SLC23A1: variants seen among roughly 807,000 people sequenced by gnomAD.
The protein encoded by SLC23A1 is solute carrier family 23 member 1, also known as Na(+)/L-ascorbic acid transporter 1.
A neutral mutation model predicts 62.5 loss-of-function variants in SLC23A1; 31 were observed. That is an observed-to-expected ratio of 0.50 (90% CI 0.37 to 0.67). The LOEUF is 0.67. SLC23A1 is among the 30% of genes least tolerant of loss of function. SLC23A1 has a pLI of 0.00. For synonymous variants in SLC23A1, 271 were observed against 313.2 expected (o/e 0.87, Z 1.42); for missense variants, 640 against 782.7 (o/e 0.82, Z 2.18).
At position 139,367,631 on chromosome 5, in the gene SLC23A1, C is replaced by T. The variant is rs1038995898; in HGVS notation, c.*20G>A. The T allele has an allele frequency of 6.6e-5, 10 of 152,248 alleles. No individual in the cohort carries two copies. Among genetic ancestry groups the T allele is most frequent in the Non-Finnish European group, 4.4e-5 (3 of 68,022 alleles). 9.4% of individuals were successfully genotyped at this position (152,248 alleles called of 1,614,324 possible). A position where few individuals can be genotyped will look rare whatever the true frequency, so the allele number is the denominator to read the frequency against. ...TCTTTTCCTGTTATATACCATGCTTCCTGTGGGAATTAGAAGATGGCAATT... is the reference window on the plus strand; with the variant it reads ...TCTTTTCCTGTTATATACCATGCTTTCTGTGGGAATTAGAAGATGGCAATT... On this transcript the variant is annotated splice_region_variant and 3_prime_UTR_variant, in exon 15 of 15. Coordinates refer to ENST00000348729, the MANE Select transcript of SLC23A1 (RefSeq NM_005847.5).
chr5:139,384,461 G>A (rs1358662199), upstream of SLC23A1: 16 of 1,289,678 alleles, frequency 1.2e-5, no homozygotes, highest in South Asian at 2.5e-5. Flanking sequence ...GAGTCCGCCC[G>A]CCTGCCGGTG....
rs1219478980 is a variant in SLC23A1, at chr5:139,383,292, G to A, written c.-39C>T. The A allele has an allele frequency of 6.2e-7, 1 of 1,605,206 alleles. No individual in the cohort carries two copies. The highest frequency in any genetic ancestry group is 1.3e-5 in the African/African-American group (1 of 74,652). ...GTTTGAGCAGTTCCTGAGGAGAAGA[G>A]GGGATGACTTGACAAAGGCCAAGGA... On this transcript the variant is annotated 5_prime_UTR_variant, in exon 1 of 15. Transcript: ENST00000348729.
chr5:139,378,176 A>G lies in SLC23A1; in HGVS notation c.1309+46T>C, dbSNP rs1434705029. 3 of 1,613,102 alleles carry G rather than the reference A, an allele frequency of 1.9e-6. No individual in the cohort carries two copies. Among genetic ancestry groups the G allele is most frequent in the Non-Finnish European group, 2.5e-6 (3 of 1,179,566 alleles). On this transcript the variant is annotated intron_variant, in intron 11 of 14. Transcript: ENST00000348729. This position sits in a 1 kb window ranked among gnomAD's most constrained non-coding sequence, Gnocchi z 4.5. ...CACACGCGTAATCCAGGTGAGTCCC[A>G]CTCGGCGACCCGCACCGCGACCCGT...
At chr5:139,382,720 T>G (rs1581382710) in intron 1 of SLC23A1, 115 bp from the exon 2 acceptor site, 1 of 691,014 alleles carries the variant, frequency 1.4e-6, no homozygotes, top group Non-Finnish European at 2.6e-6. Flanking sequence ...GAGAGCGGGG[T>G]TCCCGCCCTC....
In SLC23A1 at chr5:139,379,719, TCA is replaced by T. The variant is rs1162727333; in HGVS notation, c.882_883del (p.Asp295HisfsTer39). On this transcript the variant is annotated frameshift_variant, in exon 8 of 15. Transcript: ENST00000348729. LOFTEE classifies it high-confidence loss of function. This position sits in a 1 kb window ranked among gnomAD's most constrained non-coding sequence, Gnocchi z 4.7. ...GATCCAGGGTGCAATAGCCATGATGTCACCACGGGCATCGGTTCGTGCCTGGA... is the reference window on the plus strand; with the variant it reads ...GATCCAGGGTGCAATAGCCATGATGTCCACGGGCATCGGTTCGTGCCTGGA... 1 of 1,613,798 alleles carries T rather than the reference TCA, an allele frequency of 6.2e-7. No individual in the cohort carries two copies. The highest frequency in any genetic ancestry group is 2.2e-5 in the East Asian group (1 of 44,858).
intron 3 of SLC23A1, 26 bp downstream of exon 3, chr5:139,381,866 A>T: frequency 1.4e-6 from 2 of 1,440,926 alleles, no homozygotes; most frequent in Non-Finnish European, 1.9e-6. Flanking sequence ...GTGGCGGGGG[A>T]CGGGTTGGGG....
intron 13 of SLC23A1, among the ~76,000 whole-genome samples, chr5:139,373,384 G>A (rs893753408): frequency 1.3e-5 from 2 of 152,080 alleles, no homozygotes; most frequent in Non-Finnish European, 2.9e-5. Flanking sequence ...CACCATGTTG[G>A]CCAGGCACTG....
At chr5:139,381,546 G>A (rs993941392) in intron 3 of SLC23A1, among the ~76,000 whole-genome samples, 1 of 150,618 alleles carries the variant, frequency 6.6e-6, no homozygotes, top group Non-Finnish European at 1.5e-5. Flanking sequence ...CCGGGAGGTG[G>A]TGGTTGTGGT....
At position 139,379,186 on chromosome 5, in the gene SLC23A1, T is replaced by A. The variant is rs765274343; in HGVS notation, c.1073+21A>T. The stretch of plus-strand genomic sequence containing the variant: ...GGTGGCGCCTGAGGAGATCAGATAC[T>A]GAGGAGGGCAGGTAGGCTACCTGTT... On this transcript the variant is annotated intron_variant, in intron 9 of 14. Coordinates refer to ENST00000348729, the MANE Select transcript of SLC23A1 (RefSeq NM_005847.5). This position sits in a 1 kb window ranked among gnomAD's most constrained non-coding sequence, Gnocchi z 4.7. The A allele has an allele frequency of 4.3e-6, 7 of 1,613,274 alleles. No individual in the cohort carries two copies. The South Asian group carries it at 7.7e-5, about 18-fold the overall frequency.
At chr5:139,382,469 CG>C in intron 2 of SLC23A1, 22 bp downstream of exon 2, 1 of 1,386,792 alleles carries the variant, frequency 7.2e-7, no homozygotes, top group Non-Finnish European at 1.0e-6. Context: ...AGAGTGAGGG[CG>C]GGGAGGCCCT....
upstream of SLC23A1, chr5:139,383,447 C>G: frequency 8.0e-7 from 1 of 1,250,932 alleles, no homozygotes; most frequent in South Asian, 2.4e-5. Context: ...TAAAAGCCAC[C>G]CAAGCCTCTG....
chr5:139,372,829 T>C (rs570773837), intron 13 of SLC23A1, among the ~76,000 whole-genome samples: 1 of 152,228 alleles, frequency 6.6e-6, no homozygotes, highest in South Asian at 2.1e-4. Flanking sequence ...GTGATCTGCC[T>C]GGCTTGGCCT....
chr5:139,370,116 G>T (rs1757562339), intron 14 of SLC23A1, among the ~76,000 whole-genome samples: 1 of 152,198 alleles, frequency 6.6e-6, no homozygotes, highest in African/African-American at 2.4e-5. Context: ...TCTTCTGGCA[G>T]TGGGTATGGG....
chr5:139,370,793 A>G (rs1217115400), intron 14 of SLC23A1, among the ~76,000 whole-genome samples: 2 of 152,136 alleles, frequency 1.3e-5, no homozygotes, highest in East Asian at 3.9e-4. Context: ...ATTTAAAAAA[A>G]GAAAAGGGGG....
rs531610857 is a variant in SLC23A1, at chr5:139,370,548, C to G, written c.*19+1439G>C. On this transcript the variant is annotated intron_variant, in intron 14 of 14. Transcript: ENST00000348729. Reference sequence around the variant, plus strand: ...TCACTCTGTCACCAAGGCTGGAGTGCAGTCATGCAATCTCAGTTCAATGCA... The same window carrying G: ...TCACTCTGTCACCAAGGCTGGAGTGGAGTCATGCAATCTCAGTTCAATGCA... Among the ~76,000 whole-genome samples, 7 of 151,680 alleles carry G rather than the reference C, an allele frequency of 4.6e-5. No homozygotes were observed. In the South Asian group the frequency reaches 8.3e-4, roughly 18 times the overall value.
chr5:139,372,072 A>G lies in SLC23A1; in HGVS notation c.1731T>C (p.Asp577=), dbSNP rs2152063859. 2 of 1,613,112 alleles carry G rather than the reference A, an allele frequency of 1.2e-6. No individual in the cohort carries two copies. Among genetic ancestry groups the G allele is most frequent in the East Asian group, 2.2e-5 (1 of 44,884 alleles). Residue 577 remains aspartate (D), a synonymous_variant, in exon 14 of 15, where the codon GAT becomes GAC. Transcript: ENST00000348729. Reference sequence around the variant, plus strand: ...GAGTGTCTTCTGGAATTGCAATCTGATCTTTTGAACTTGAAGAAAATCCTT... The same window carrying G: ...GAGTGTCTTCTGGAATTGCAATCTGGTCTTTTGAACTTGAAGAAAATCCTT... ...VFKGFSSSSK[D]QIAIPEDTPE...
At chr5:139,376,384 T>C (rs1019799135) in intron 13 of SLC23A1, among the ~76,000 whole-genome samples, 2 of 152,080 alleles carry the variant, frequency 1.3e-5, no homozygotes, top group African/African-American at 4.8e-5. Flanking sequence ...TGGCCAGGCT[T>C]GTCTCAAACT....
chr5:139,370,536 A>C (rs112293422), intron 14 of SLC23A1, among the ~76,000 whole-genome samples: 3,710 of 150,882 alleles, frequency 0.025, 167 homozygotes, highest in African/African-American at 0.084. Flanking sequence ...CTCTGTCACC[A>C]AGGCTGGAGT....
chr5:139,381,995 C>A lies in SLC23A1; in HGVS notation c.205G>T (p.Ala69Ser), dbSNP rs1328825354. The A allele has an allele frequency of 1.2e-6, 2 of 1,606,626 alleles. No homozygotes were observed. Among genetic ancestry groups the A allele is most frequent in the African/African-American group, 2.7e-5 (2 of 74,800 alleles). ...TIAVPFLLAEALCVGHDQHMV... is the reference protein window; with the variant it reads ...TIAVPFLLAESLCVGHDQHMV... Reference sequence around the variant, plus strand: ...TGCTGGTCGTGGCCCACACACAGCGCCTCAGCCAGCAGGAAGGGCACGGCG... The same window carrying A: ...TGCTGGTCGTGGCCCACACACAGCGACTCAGCCAGCAGGAAGGGCACGGCG... Residue 69 changes from alanine (A) to serine (S), a missense_variant, in exon 3 of 15, where the codon GCG (alanine) becomes TCG (serine). Transcript: ENST00000348729.
Sources: allele counts gnomAD v4.1 joint callset (sites outside exome capture counted in the v4.1 genomes callset), GRCh38; gene constraint gnomAD v4.1.1; non-coding constraint Gnocchi (gnomAD v3.1); transcripts MANE v1.5; gene names NCBI Gene and HGNC (gene_info 2026-07-23, HGNC 2026-07-21).